Variants in SLC6A20 observed in about 807,000 individuals in gnomAD.
The protein encoded by SLC6A20 is sodium- and chloride-dependent transporter XTRP3.
SLC6A20 carries 73 observed loss-of-function variants against 64.3 expected under a neutral mutation model. The ratio of observed to expected loss-of-function variants is 1.14; its 90% CI spans 0.94 to 1.38. The LOEUF (loss-of-function observed/expected upper bound fraction) is 1.38. Ranked by LOEUF, SLC6A20 falls within the 40% of genes most tolerant of loss-of-function variation. The pLI is 0.00. For missense variants in SLC6A20, 725 were observed against 772.8 expected (o/e 0.94, Z 0.73); for synonymous variants, 347 against 329.6 (o/e 1.05, Z -0.57).
At chr3:45,761,056 T>C (rs1451108651) in intron 9 of SLC6A20, among the ~76,000 whole-genome samples, 2 of 152,216 alleles carry the variant, frequency 1.3e-5, no homozygotes, top group Non-Finnish European at 2.9e-5. Flanking sequence ...TGGGTGTCCA[T>C]GCGAGGCTGT....
chr3:45,760,807 C>T (rs757365586), intron 9 of SLC6A20, among the ~76,000 whole-genome samples: 6 of 152,240 alleles, frequency 3.9e-5, no homozygotes, highest in East Asian at 3.8e-4. Flanking sequence ...GTTGGCCCAA[C>T]GAAACTCCCC....
chr3:45,780,896 A>C (rs1238842992), intron 2 of SLC6A20, among the ~76,000 whole-genome samples: 1 of 152,198 alleles, frequency 6.6e-6, no homozygotes, highest in Non-Finnish European at 1.5e-5. Flanking sequence ...CTGGTTGTTA[A>C]ATATTCACCA....
intron 3 of SLC6A20, among the ~76,000 whole-genome samples, chr3:45,778,751 G>A (rs1261452921): frequency 1.3e-5 from 2 of 152,166 alleles, no homozygotes; most frequent in African/African-American, 2.4e-5. Flanking sequence ...CCTGCACAGA[G>A]GACAGGAAAC....
At chr3:45,774,070 T>C (rs940385406) in intron 4 of SLC6A20, among the ~76,000 whole-genome samples, 2 of 152,166 alleles carry the variant, frequency 1.3e-5, no homozygotes, top group South Asian at 2.1e-4. Flanking sequence ...GCCTAATCTA[T>C]TGGAAGAAAC....
rs902172554 is a variant in SLC6A20, at chr3:45,780,201, G to A, written c.263-101C>T. The A allele has an allele frequency of 3.6e-5, 41 of 1,154,914 alleles. 1 individual carries two copies. The highest frequency in any genetic ancestry group is 7.7e-5 in the East Asian group (3 of 38,804). The allele number at this position is 1,154,914 out of a possible 1,614,324, so 71.5% of individuals were successfully genotyped here. The stretch of plus-strand genomic sequence containing the variant: ...AGGACACACCTGTGGCGACCGCCCC[G>A]GGGTGGGCGAGGCCTCCCTCCACCA... On this transcript the variant is annotated intron_variant, in intron 2 of 10. Transcript: ENST00000358525.
chr3:45,777,516 T>C (rs1041722937), intron 3 of SLC6A20, among the ~76,000 whole-genome samples: 5 of 152,206 alleles, frequency 3.3e-5, no homozygotes, highest in African/African-American at 7.2e-5. Context: ...CAACTGAATA[T>C]GGTGAAGAGA....
chr3:45,786,117 G>A (rs536566626), intron 1 of SLC6A20, among the ~76,000 whole-genome samples: 1 of 152,304 alleles, frequency 6.6e-6, no homozygotes, highest in Non-Finnish European at 1.5e-5. Flanking sequence ...GTTGCTTTAA[G>A]TCACTAATTT....
intron 7 of SLC6A20, among the ~76,000 whole-genome samples, chr3:45,766,389 A>G (rs1699778244): frequency 2.0e-5 from 3 of 152,244 alleles, no homozygotes. Flanking sequence ...GATGCACAGG[A>G]TTCCCAGAGA....
rs757234907 is a variant in SLC6A20, at chr3:45,780,115, A to C, written c.263-15T>G. 2 of 1,573,838 alleles carry C rather than the reference A, an allele frequency of 1.3e-6. No individual in the cohort carries two copies. On this transcript the variant is annotated splice_polypyrimidine_tract_variant and intron_variant, in intron 2 of 10. Coordinates refer to ENST00000358525, the MANE Select transcript of SLC6A20 (RefSeq NM_020208.4). Reference sequence around the variant, plus strand: ...GCTGGCGACCCCTGCGAGGAAGCAGAGGGCCGCGCTGAGGACTGAGGATGG... The same window carrying C: ...GCTGGCGACCCCTGCGAGGAAGCAGCGGGCCGCGCTGAGGACTGAGGATGG...
rs1301255662 is a variant in SLC6A20, at chr3:45,765,639, T to G, written c.1201A>C (p.Met401Leu). Residue 401 changes from methionine to leucine, a missense_variant, in exon 8 of 11, where the codon ATG becomes CTG. Coordinates refer to ENST00000358525, the MANE Select transcript of SLC6A20 (RefSeq NM_020208.4). This position sits in a 1 kb window ranked among gnomAD's most constrained non-coding sequence, Gnocchi z 4.2. ...WSVLYFFMLL[M>L]LGIGSMLGNT... is the part of the protein sequence containing the mutation. Reference sequence around the variant, plus strand: ...CCCAGCATGCTCCCAATGCCCAGCATCAGCAGCATGAAGAAGTAGAGCACC... The same window carrying G: ...CCCAGCATGCTCCCAATGCCCAGCAGCAGCAGCATGAAGAAGTAGAGCACC... 6.2e-7 allele frequency: 1 copy of G among 1,614,112 alleles called. No homozygotes were observed. The highest frequency in any genetic ancestry group is 8.5e-7 in the Non-Finnish European group (1 of 1,180,014).
At chr3:45,784,084 C>T (rs1000890328) in intron 1 of SLC6A20, among the ~76,000 whole-genome samples, 15 of 152,280 alleles carry the variant, frequency 9.9e-5, no homozygotes, top group East Asian at 5.8e-4. Context: ...GGTCCAGGGA[C>T]GACTGTCTCT....
chr3:45,795,941 T>C (rs371210398), intron 1 of SLC6A20, among the ~76,000 whole-genome samples: 18 of 152,300 alleles, frequency 1.2e-4, no homozygotes, highest in East Asian at 9.7e-4. Flanking sequence ...TTTTTACACC[T>C]AAACGTAAGG....
rs1214186671 is a variant in SLC6A20, at chr3:45,758,536, G to A, written c.*442C>T. ...AGAAGAGAATTAATTTTGCACCACT[G>A]ACAAATAGGTCATCTTAGGCACTTC... On this transcript the variant is annotated 3_prime_UTR_variant, in exon 11 of 11. Transcript: ENST00000358525. 1.7e-6 allele frequency: 2 copies of A among 1,158,806 alleles called. No individual in the cohort carries two copies. Among genetic ancestry groups the A allele is most frequent in the Non-Finnish European group, 2.2e-6 (2 of 926,546 alleles). The allele number at this position is 1,158,806 out of a possible 1,614,324, so 71.8% of individuals were successfully genotyped here.
chr3:45,780,015 G>C lies in SLC6A20; in HGVS notation c.348C>G (p.Ser116=). The change falls in exon 3 of 11, where the codon TCC becomes TCG. Residue 116 remains serine (S), a synonymous_variant. Coordinates refer to ENST00000358525, the MANE Select transcript of SLC6A20 (RefSeq NM_020208.4). Reference sequence around the variant, plus strand: ...CACGGGCCCCCCGGCTCACCTGGAAGGAGTGGAAGAGGTACCAGAAGGCCC... The same window carrying C: ...CACGGGCCCCCCGGCTCACCTGGAACGAGTGGAAGAGGTACCAGAAGGCCC... The part of the protein sequence containing the change: ...NAWAFWYLFH[S]FQDPLPWSVC... The C allele has an allele frequency of 5.6e-6, 9 of 1,601,546 alleles. No individual in the cohort carries two copies. Among genetic ancestry groups the C allele is most frequent in the Non-Finnish European group, 7.7e-6 (9 of 1,173,854 alleles).
chr3:45,775,761 C>G lies in SLC6A20; in HGVS notation c.582G>C (p.Lys194Asn), dbSNP rs773934057. The change falls in exon 4 of 11, where the codon AAG (lysine) becomes AAC (asparagine). Residue 194 changes from lysine to asparagine, a missense_variant and splice_region_variant. Physicochemically the swap from Lys to Asn is moderately conservative, Grantham distance 94. Transcript: ENST00000358525. ...GGGCTTCTGTGCCTCACTGTCCCAC[C>G]TTGCCAGTGGACTCGGTGCCACGCA... ...CILRGTESTG[K>N]VVYFTASLPY... The G allele has an allele frequency of 3.7e-6, 6 of 1,613,012 alleles. No individual in the cohort carries two copies. In the East Asian group the frequency reaches 1.3e-4, roughly 36 times the overall value.
intron 3 of SLC6A20, among the ~76,000 whole-genome samples, chr3:45,778,807 G>A (rs774901839): frequency 1.3e-5 from 2 of 152,176 alleles, no homozygotes; most frequent in African/African-American, 2.4e-5. Context: ...TTTCCACTGA[G>A]AAGGCTGGGG....
rs754922844 is a variant in SLC6A20, at chr3:45,772,574, G to C, written c.624C>G (p.Ile208Met). The change falls in exon 5 of 11, where the codon ATC (isoleucine) becomes ATG (methionine). Residue 208 changes from isoleucine to methionine, a missense_variant. Coordinates refer to ENST00000358525, the MANE Select transcript of SLC6A20 (RefSeq NM_020208.4). ...FTASLPYCVL[I>M]IYLIRGLTLH... Reference sequence around the variant, plus strand: ...GCGTGAGGCCCCTGATGAGGTAGATGATGAGCACGCAATAGGGCAGTGACG... The same window carrying C: ...GCGTGAGGCCCCTGATGAGGTAGATCATGAGCACGCAATAGGGCAGTGACG... 1 of 1,614,020 alleles carries C rather than the reference G, an allele frequency of 6.2e-7. No individual in the cohort carries two copies. The highest frequency in any genetic ancestry group is 8.5e-7 in the Non-Finnish European group (1 of 1,179,964).
At position 45,788,038 on chromosome 3, in the gene SLC6A20, C is replaced by T. The variant is rs559445528; in HGVS notation, c.122-5815G>A. ...ACGGCTCACTGCAGCCTCGACCTCC[C>T]AGGCTCAAGCAATCCTGCTGCCTCA... On this transcript the variant is annotated intron_variant, in intron 1 of 10. Coordinates refer to ENST00000358525, the MANE Select transcript of SLC6A20 (RefSeq NM_020208.4). Among the ~76,000 whole-genome samples, 51 of 152,258 alleles carry T rather than the reference C, an allele frequency of 3.3e-4. 1 individual carries two copies. Among genetic ancestry groups the T allele is most frequent in the African/African-American group, 1.2e-3 (50 of 41,532 alleles).
intron 1 of SLC6A20, among the ~76,000 whole-genome samples, chr3:45,793,509 A>T (rs1461517255): frequency 6.6e-6 from 1 of 151,648 alleles, no homozygotes; most frequent in Non-Finnish European, 1.5e-5. Context: ...TTTCTAGAGC[A>T]GGCAGCCAGG....
Sources: gnomAD v4.1 joint callset for allele counts (sites outside exome capture counted in the v4.1 genomes callset) on GRCh38, gnomAD v4.1.1 for gene constraint, Gnocchi (gnomAD v3.1) non-coding constraint, MANE v1.5 for transcripts, NCBI Gene and HGNC (gene_info 2026-07-23, HGNC 2026-07-21) for gene names.